XRN1: variants seen among roughly 807,000 people sequenced by gnomAD.
XRN1 encodes the protein 5'-3' exoribonuclease 1, also known as strand-exchange protein 1 homolog.
Under a neutral mutation model 222.3 loss-of-function variants are expected in XRN1, and 67 were observed. The ratio of observed to expected loss-of-function variants is 0.30; its 90% CI spans 0.25 to 0.37. The LOEUF is 0.37. Among genes scored for constraint, XRN1 ranks in the 10% least tolerant of loss-of-function variants. The pLI is 1.00. For missense variants in XRN1, 1,707 were observed against 2,000.2 expected, an observed-to-expected ratio of 0.85 and a Z score of 2.80; for synonymous variants, 643 against 652.4, an observed-to-expected ratio of 0.99 and a Z score of 0.22.
intron 14 of XRN1, 144 bp downstream of exon 14, chr3:142,413,991 G>T (rs1468945684): frequency 2.5e-6 from 2 of 797,302 alleles, no homozygotes; most frequent in East Asian, 5.8e-5. Flanking sequence ...ACTTTTCAAG[G>T]GACTTGTTAA....
chr3:142,444,565 C>G (rs1306697607), intron 1 of XRN1, among the ~76,000 whole-genome samples: 1 of 152,030 alleles, frequency 6.6e-6, no homozygotes, highest in African/African-American at 2.4e-5. Context: ...GCCGAGATTG[C>G]GTCACTGTAC....
At chr3:142,371,825 T>A (rs918879278) in intron 25 of XRN1, among the ~76,000 whole-genome samples, 2 of 152,056 alleles carry the variant, frequency 1.3e-5, no homozygotes, top group Admixed American at 6.6e-5. Flanking sequence ...GACAATATAG[T>A]ATAAAAAAGA....
In XRN1 at chr3:142,397,588, A is replaced by G. The variant is rs933327233; in HGVS notation, c.2208-128T>C. The G allele has an allele frequency of 3.3e-5, 19 of 583,752 alleles. No homozygotes were observed. In the African/African-American group the frequency reaches 3.7e-4, roughly 11 times the overall value. The allele number at this position is 583,752 out of a possible 1,614,324, so 36.2% of individuals were successfully genotyped here. A position where few individuals can be genotyped will look rare whatever the true frequency, so the allele number is the denominator to read the frequency against. ...ACTAGCAAAAAACCCCACAACTGTA[A>G]TGTAAATTACAAAACTATAATAATT... On this transcript the variant is annotated intron_variant, in intron 19 of 40. Transcript: ENST00000392981.
intron 18 of XRN1, among the ~76,000 whole-genome samples, chr3:142,400,874 A>T (rs1040239023): frequency 8.6e-5 from 13 of 152,044 alleles, no homozygotes; most frequent in African/African-American, 3.1e-4. Context: ...GTGAGATTGC[A>T]CCACTGCACT....
At chr3:142,417,546 C>T (rs1438527070) in intron 12 of XRN1, among the ~76,000 whole-genome samples, 1 of 152,186 alleles carries the variant, frequency 6.6e-6, no homozygotes, top group African/African-American at 2.4e-5. Context: ...CACTACCACT[C>T]TCTTAAATAG....
At chr3:142,312,172 G>C (rs1013178255) in intron 40 of XRN1, among the ~76,000 whole-genome samples, 3 of 152,186 alleles carry the variant, frequency 2.0e-5, no homozygotes, top group Non-Finnish European at 1.5e-5. Context: ...AGGTACTCGG[G>C]AGTCTAAGAT....
Position 142,346,265 on chromosome 3 carries a change from G to GT in XRN1, c.3877+968dup, listed in dbSNP as rs2066141896. On this transcript the variant is annotated intron_variant, in intron 33 of 40. Coordinates refer to ENST00000392981, the MANE Select transcript of XRN1 (RefSeq NM_001282857.2). ...GGAAGATTGCTTCCAAGACCCTCCT[G>GT]TGGCTATCAAAATCCACATATGTTC... Among the ~76,000 whole-genome samples, 3 of 152,236 alleles carry GT rather than the reference G, an allele frequency of 2.0e-5. No homozygotes were observed. The South Asian group carries it at 6.2e-4, about 32-fold the overall frequency.
At position 142,320,738 on chromosome 3, in the gene XRN1, T is replaced by C. The variant is rs9877669; in HGVS notation, c.4405-1835A>G. Among the ~76,000 whole-genome samples, 927 of 152,300 alleles carry C rather than the reference T, an allele frequency of 6.1e-3. 8 individuals carry two copies. Among genetic ancestry groups the C allele is most frequent in the African/African-American group, 0.021 (856 of 41,568 alleles). On this transcript the variant is annotated intron_variant, in intron 37 of 40. Transcript: ENST00000392981. The stretch of plus-strand genomic sequence containing the variant: ...GTTCTCTATATATTCCAGATATTTT[T>C]TATCAGATATATCATTAGGAAGTAT...
At chr3:142,342,588 A>C (rs1351873700) in intron 33 of XRN1, among the ~76,000 whole-genome samples, 1 of 152,162 alleles carries the variant, frequency 6.6e-6, no homozygotes, top group Non-Finnish European at 1.5e-5. Context: ...CTGACATAAA[A>C]ACAAACACAC....
At chr3:142,438,946 T>C (rs996987843) in intron 1 of XRN1, among the ~76,000 whole-genome samples, 7 of 150,864 alleles carry the variant, frequency 4.6e-5, no homozygotes, top group Non-Finnish European at 1.0e-4. Context: ...AGGACCCCCC[T>C]TTAACCCAAA....
In XRN1 at chr3:142,397,373, T is replaced by C. The variant is rs553381852; in HGVS notation, c.2295A>G (p.Lys765=). 1.2e-6 allele frequency: 2 copies of C among 1,609,658 alleles called. No individual in the cohort carries two copies. Among genetic ancestry groups the C allele is most frequent in the South Asian group, 1.1e-5 (1 of 90,228 alleles). The change falls in exon 20 of 41, where the codon AAA becomes AAG. Residue 765 remains lysine (K), a synonymous_variant. Coordinates refer to ENST00000392981, the MANE Select transcript of XRN1 (RefSeq NM_001282857.2). ...CTTCTTTTGCCCAGTTAGATTGTTC[T>C]TTATCTCCAAGATGAACCACTTTAG... The part of the protein sequence containing the change: ...PPSKVVHLGD[K]EQSNWAKEVQ...
intron 25 of XRN1, among the ~76,000 whole-genome samples, chr3:142,373,163 A>C (rs559711315): frequency 6.6e-6 from 1 of 152,324 alleles, no homozygotes. Context: ...AAATAAATGA[A>C]GATATTCCAT....
chr3:142,383,278 A>C (rs909994329), intron 22 of XRN1, 22 bp downstream of exon 22: 9 of 1,559,204 alleles, frequency 5.8e-6, no homozygotes, highest in Non-Finnish European at 7.0e-6. Flanking sequence ...AAAATGTATC[A>C]GTAACAATAA....
rs968169388 is a variant in XRN1, at chr3:142,312,631, T to G, written c.4749A>C (p.Pro1583=). The change falls in exon 40 of 41, where the codon CCA becomes CCC. Residue 1583 remains proline (P), a synonymous_variant. Coordinates refer to ENST00000392981, the MANE Select transcript of XRN1 (RefSeq NM_001282857.2). Reference sequence around the variant, plus strand: ...GTATAAACTGATTGTGCACACCCCCTGGTATTCCCCCAGCCATGGGCATGG... The same window carrying G: ...GTATAAACTGATTGTGCACACCCCCGGGTATTCCCCCAGCCATGGGCATGG... The part of the protein sequence containing the change: ...SGTMPMAGGI[P]GGVHNQFIPL... The G allele has an allele frequency of 2.5e-6, 4 of 1,613,234 alleles. No individual in the cohort carries two copies. The highest frequency in any genetic ancestry group is 8.5e-7 in the Non-Finnish European group (1 of 1,179,394).
intron 1 of XRN1, among the ~76,000 whole-genome samples, chr3:142,446,404 T>G (rs79308860): frequency 3.3e-5 from 5 of 152,190 alleles, no homozygotes; most frequent in African/African-American, 4.8e-5. Context: ...TCCTCCCAGT[T>G]TCTATATAAA....
Position 142,417,198 on chromosome 3 carries a change from C to T in XRN1, c.1378G>A (p.Val460Ile), listed in dbSNP as rs374307743. 4.3e-6 allele frequency: 7 copies of T among 1,613,522 alleles called. No individual in the cohort carries two copies. The highest frequency in any genetic ancestry group is 5.9e-6 in the Non-Finnish European group (7 of 1,179,826). The change falls in exon 13 of 41, where the codon GTT becomes ATT. Residue 460 changes from valine (V) to isoleucine (I), a missense_variant. Around this residue, in one of 2 missense-constraint regions of XRN1, gnomAD observed 1,234 missense variants for 1,518.2 expected, o/e 0.81. Coordinates refer to ENST00000392981, the MANE Select transcript of XRN1 (RefSeq NM_001282857.2). ...TGCAAAATCCACTGTATTGCCTGAA[C>T]ATAACATGCAGCTTGATCAGCCAGA... ...DFLADQAACY[V>I]QAIQWILHYY...
At chr3:142,355,554 A>G (rs564645273) in intron 31 of XRN1, 58 bp from the exon 32 acceptor site, 1 of 1,124,790 alleles carries the variant, frequency 8.9e-7, no homozygotes, top group East Asian at 2.5e-5. Flanking sequence ...AAAAATACAT[A>G]TTAAAAATCA....
At chr3:142,394,941 G>T (rs938553904) in intron 20 of XRN1, among the ~76,000 whole-genome samples, 1 of 152,190 alleles carries the variant, frequency 6.6e-6, no homozygotes, top group South Asian at 2.1e-4. Context: ...AATATTTCAT[G>T]TATATGTTTA....
Position 142,429,144 on chromosome 3 carries a change from C to CTT in XRN1, c.309-2305_309-2304dup, listed in dbSNP as rs199947503. Reference sequence around the variant, plus strand: ...AGTATTCTTTGGATTTAGCCATAATCTTTTTTTTTTTTTTTTTTTTTGAGA... The same window carrying CTT: ...AGTATTCTTTGGATTTAGCCATAATCTTTTTTTTTTTTTTTTTTTTTTTGAGA... On this transcript the variant is annotated intron_variant, in intron 2 of 40. Coordinates refer to ENST00000392981, the MANE Select transcript of XRN1 (RefSeq NM_001282857.2). Among the ~76,000 whole-genome samples the CTT allele has an allele frequency of 4.9e-3, 591 of 120,020 alleles. 6 individuals are homozygous for CTT. Among genetic ancestry groups the CTT allele is most frequent in the Non-Finnish European group, 6.9e-3 (399 of 57,744 alleles). 78.7% of individuals were successfully genotyped at this position (120,020 alleles called of 152,430 possible). A position where few individuals can be genotyped will look rare whatever the true frequency, so the allele number is the denominator to read the frequency against.
Sources: gnomAD v4.1 joint callset for allele counts (sites outside exome capture counted in the v4.1 genomes callset) on GRCh38, gnomAD v4.1.1 for gene constraint, gnomAD v4.1.1 regional missense constraint, MANE v1.5 for transcripts, NCBI Gene and HGNC (gene_info 2026-07-23, HGNC 2026-07-21) for gene names.